The following ARAP2 variants were observed in gnomAD, a reference collection of about 807,000 sequenced individuals.
ARAP2 encodes the protein arf-GAP with Rho-GAP domain, ANK repeat and PH domain-containing protein 2.
ARAP2 carries 148 observed loss-of-function variants against 194.5 expected under a neutral mutation model. The ratio of observed to expected loss-of-function variants is 0.76; its 90% CI spans 0.67 to 0.87. ARAP2 has a LOEUF of 0.87. ARAP2 is among the 40% of genes least tolerant of loss of function. ARAP2 has a pLI of 0.00. For synonymous variants in ARAP2, 695 were observed against 683.5 expected (o/e 1.02, Z -0.26); for missense variants, 2,128 against 1,989.7 (o/e 1.07, Z -1.32).
chr4:36,127,827 A>G (rs1724328950), intron 21 of ARAP2, among the ~76,000 whole-genome samples: 1 of 151,980 alleles, frequency 6.6e-6, no homozygotes, highest in Non-Finnish European at 1.5e-5. Context: ...GGACTATAAT[A>G]TGGAAAAATA....
At chr4:36,189,280 C>T (rs4259085) in intron 7 of ARAP2, among the ~76,000 whole-genome samples, 136,821 of 152,236 alleles carry the variant, frequency 0.9, 61,599 homozygotes, top group East Asian at 1. Flanking sequence ...CACATAATAA[C>T]TGTTCGTATT....
chr4:36,169,616 G>A (rs878877042), intron 9 of ARAP2, among the ~76,000 whole-genome samples: 3 of 149,732 alleles, frequency 2.0e-5, no homozygotes, highest in Admixed American at 2.0e-4. Context: ...CTGCAACCTC[G>A]GCCCCCCCAG....
chr4:36,171,421 CA>C (rs1736597385), intron 9 of ARAP2, among the ~76,000 whole-genome samples: 2 of 148,594 alleles, frequency 1.3e-5, no homozygotes, highest in Non-Finnish European at 3.0e-5. Flanking sequence ...ATCGCAAGGA[CA>C]AAAAACCAAA....
At chr4:36,128,477 T>TAC (rs113034093) in intron 21 of ARAP2, 56 bp downstream of exon 21, 99,162 of 939,662 alleles carry the variant, frequency 0.11, 1,594 homozygotes, top group African/African-American at 0.16. Flanking sequence ...GTCTATATTA[T>TAC]ACACACACAC....
chr4:36,117,814 G>A (rs1168963723), intron 24 of ARAP2, among the ~76,000 whole-genome samples: 1 of 151,546 alleles, frequency 6.6e-6, no homozygotes, highest in Non-Finnish European at 1.5e-5. Context: ...GACAGACAAA[G>A]TGAAGAAGAT....
At chr4:36,098,380 T>C (rs908135186) in intron 27 of ARAP2, among the ~76,000 whole-genome samples, 2 of 152,108 alleles carry the variant, frequency 1.3e-5, no homozygotes, top group Non-Finnish European at 2.9e-5. Context: ...TTCAGAATTC[T>C]CTAACTCCAT....
At chr4:36,203,676 A>T (rs1172414916) in intron 6 of ARAP2, among the ~76,000 whole-genome samples, 1 of 152,152 alleles carries the variant, frequency 6.6e-6, no homozygotes, top group Non-Finnish European at 1.5e-5. Flanking sequence ...AGCATCTAGC[A>T]TGAGGCTTCT....
chr4:36,009,914 A>G (rs1355929164), intron 9 of ARAP2, among the ~76,000 whole-genome samples: 1 of 151,238 alleles, frequency 6.6e-6, no homozygotes, highest in Admixed American at 6.6e-5. Flanking sequence ...CATCAGTGGA[A>G]AATTTCTAAA....
intron 6 of ARAP2, among the ~76,000 whole-genome samples, chr4:36,208,284 C>A (rs778736527): frequency 1.3e-5 from 2 of 152,100 alleles, no homozygotes; most frequent in Non-Finnish European, 2.9e-5. Flanking sequence ...AATGCAGAGG[C>A]CCCTAAGGAG....
intron 9 of ARAP2, among the ~76,000 whole-genome samples, chr4:36,012,093 T>A (rs1265124688): frequency 2.6e-5 from 4 of 152,158 alleles, no homozygotes; most frequent in Non-Finnish European, 2.9e-5. Flanking sequence ...GAACTATTAA[T>A]TTGAAACTTT....
intron 2 of ARAP2, among the ~76,000 whole-genome samples, chr4:36,057,065 C>CAGTCA (rs1171960784): frequency 5.8e-5 from 8 of 139,048 alleles, no homozygotes; most frequent in Non-Finnish European, 1.1e-4. Context: ...TTTTTTTTTT[C>CAGTCA]AGTGCAGCTT....
At chr4:36,111,586 AGATATCTTGGCATAAAGACAAC>A (rs1720000735) in intron 26 of ARAP2, among the ~76,000 whole-genome samples, 1 of 152,040 alleles carries the variant, frequency 6.6e-6, no homozygotes, top group South Asian at 2.1e-4. Flanking sequence ...CTAGTTTTTT[AGATATCTTGGCATAAAGACAAC>A]TTTATTTTAA....
intron 22 of ARAP2, among the ~76,000 whole-genome samples, chr4:36,124,092 C>T (rs936246221): frequency 5.9e-5 from 9 of 151,706 alleles, no homozygotes; most frequent in African/African-American, 2.2e-4. Context: ...ATGGAGCTGA[C>T]ATAAATGAGA....
intron 1 of ARAP2, among the ~76,000 whole-genome samples, chr4:36,060,828 T>C (rs1261731901): frequency 4.6e-5 from 7 of 152,124 alleles, no homozygotes; most frequent in Non-Finnish European, 4.4e-5. Context: ...AATTTCCTCT[T>C]AGGACACCAG....
At chr4:36,013,600 ATT>A (rs756852369) in intron 8 of ARAP2, among the ~76,000 whole-genome samples, 2 of 152,202 alleles carry the variant, frequency 1.3e-5, no homozygotes, top group Non-Finnish European at 2.9e-5. Context: ...AGGTTAGTAT[ATT>A]TGCTGATGGG....
At chr4:36,164,372 ACT>A (rs1282385956) in intron 11 of ARAP2, among the ~76,000 whole-genome samples, 21 of 152,166 alleles carry the variant, frequency 1.4e-4, no homozygotes, top group African/African-American at 5.1e-4. Context: ...TCTCAAATAC[ACT>A]GAGATGTCAG....
chr4:36,034,470 T>G (rs1312270450), intron 5 of ARAP2, among the ~76,000 whole-genome samples: 1 of 152,170 alleles, frequency 6.6e-6, no homozygotes, highest in African/African-American at 2.4e-5. Flanking sequence ...ATAGGAATGC[T>G]AGTGATTTTT....
intron 2 of ARAP2, among the ~76,000 whole-genome samples, chr4:36,217,883 A>G (rs2109300859): frequency 6.6e-6 from 1 of 151,776 alleles, no homozygotes; most frequent in South Asian, 2.1e-4. Context: ...CGATAATACT[A>G]GATAAATATG....
intron 6 of ARAP2, among the ~76,000 whole-genome samples, chr4:36,196,871 C>G (rs1229406757): frequency 1.3e-5 from 2 of 151,500 alleles, no homozygotes; most frequent in Non-Finnish European, 2.9e-5. Context: ...ATTGTCTCTG[C>G]TTGGAATGCT....
Sources: gnomAD v4.1 joint callset for allele counts (sites outside exome capture counted in the v4.1 genomes callset) on GRCh38, gnomAD v4.1.1 for gene constraint, MANE v1.5 for transcripts, NCBI Gene and HGNC (gene_info 2026-07-23, HGNC 2026-07-21) for gene names.